Variants in ZNF483 observed in about 807,000 individuals in gnomAD.
ZNF483 encodes the protein zinc finger protein 483.
ZNF483 carries 9 observed loss-of-function variants against 28.6 expected under a neutral mutation model. That is an observed-to-expected ratio of 0.32 (90% confidence interval 0.19 to 0.55). The LOEUF is 0.55. Among genes scored for constraint, ZNF483 ranks in the 20% least tolerant of loss-of-function variants. The probability of loss-of-function intolerance (pLI) is 0.93; values close to 1 mark genes in which losing one functional copy is unlikely to be tolerated. For missense variants in ZNF483, 675 were observed against 871.7 expected (o/e 0.77, Z 2.84); for synonymous variants, 322 against 306.2 (o/e 1.05, Z -0.54).
chr9:111,560,974 TAGAGAGAGAGAG>T (rs1172194603), intron 5 of ZNF483, among the ~76,000 whole-genome samples: 13 of 9,330 alleles, frequency 1.4e-3, no homozygotes, highest in Non-Finnish European at 1.9e-3. Context: ...TATATATATA[TAGAGAGAGAGAG>T]AGAGAGAGAG....
rs1000052345 is a variant in ZNF483 at position 111,525,681 on chromosome 9, T to C, written c.-129+419T>C. Among the ~76,000 whole-genome samples the C allele has an allele frequency of 2.0e-5, 3 of 152,076 alleles. No individual in the cohort carries two copies. In the South Asian group the frequency reaches 6.2e-4, roughly 32 times the overall value. ...ATCTCTCCTTTTTTCTTCCCTCTGG[T>C]TGAGATCCTCTGGCTGCGTCACATT... On this transcript the variant is annotated intron_variant, in intron 1 of 5. Transcript: ENST00000309235.
chr9:111,549,625 T>C lies in ZNF483; in HGVS notation c.*6455T>C. 3 of 1,043,540 alleles carry C rather than the reference T, an allele frequency of 2.9e-6. No homozygotes were observed. Among genetic ancestry groups the C allele is most frequent in the Non-Finnish European group, 4.2e-6 (3 of 712,728 alleles). 64.6% of individuals were successfully genotyped at this position (1,043,540 alleles called of 1,614,324 possible). ...TTGCTAAACCTACCTGTAGCTCTTC[T>C]GGGGCAGCGGTCGTGGTGGTGGTGG... On this transcript the variant is annotated 3_prime_UTR_variant, in exon 6 of 6. Transcript: ENST00000309235.
rs544341612 is a variant in ZNF483, at chr9:111,546,697, T to C, written c.*3527T>C. On this transcript the variant is annotated 3_prime_UTR_variant, in exon 6 of 6. Coordinates refer to ENST00000309235, the MANE Select transcript of ZNF483 (RefSeq NM_133464.5). ...GTAGTAAGATACATATAGCTTAAAA[T>C]GAACCATTTAAACACTTTTTGGTTA... 1.3e-5 allele frequency among the ~76,000 whole-genome samples: 2 copies of C among 152,218 alleles called. No individual in the cohort carries two copies. The highest frequency in any genetic ancestry group is 6.5e-5 in the Admixed American group (1 of 15,276).
At position 111,543,227 on chromosome 9, in the gene ZNF483, C is replaced by T; in HGVS notation, c.*57C>T. 1 of 1,532,808 alleles carries T rather than the reference C, an allele frequency of 6.5e-7. No individual in the cohort carries two copies. Among genetic ancestry groups the T allele is most frequent in the Non-Finnish European group, 8.7e-7 (1 of 1,145,280 alleles). The allele number at this position is 1,532,808 out of a possible 1,614,324, so 95.0% of individuals were successfully genotyped here. A position where few individuals can be genotyped will look rare whatever the true frequency, so the allele number is the denominator to read the frequency against. On this transcript the variant is annotated 3_prime_UTR_variant, in exon 6 of 6. Coordinates refer to ENST00000309235, the MANE Select transcript of ZNF483 (RefSeq NM_133464.5). ...AATTCAAATTGTCAGTTACTGAAAC[C>T]CTGGGATGTAAACTTACAGTATTGA...
At chr9:111,561,179 AAGAG>A (rs138477303) in intron 5 of ZNF483, among the ~76,000 whole-genome samples, 33 of 45,550 alleles carry the variant, frequency 7.2e-4, no homozygotes, top group African/African-American at 2.5e-3. Context: ...GAGAGAGAGA[AAGAG>A]AGAGAGATTC....
Position 111,541,997 on chromosome 9 carries a change from C to T in ZNF483, c.1062C>T (p.Ala354=), listed in dbSNP as rs777595466. The stretch of plus-strand genomic sequence containing the variant: ...TTCTGAACCGCAAGGAGAAAACCGC[C>T]GGAGAAAAGTCACGGAAATCTAATG... ...DLVLNRKEKT[A]GEKSRKSNDG... The change falls in exon 6 of 6, where the codon GCC becomes GCT. Residue 354 remains alanine (A), a synonymous_variant. Coordinates refer to ENST00000309235, the MANE Select transcript of ZNF483 (RefSeq NM_133464.5). The T allele has an allele frequency of 6.6e-5, 107 of 1,613,752 alleles. No individual in the cohort carries two copies. In the East Asian group the frequency reaches 1.6e-3, roughly 24 times the overall value.
Position 111,527,250 on chromosome 9 carries a change from A to T in ZNF483, c.-128-18A>T. ...AGTTTTTTTACTTATTTAATGCCTT[A>T]ATATTTCTTCTTGACAGTTTCTGCA... On this transcript the variant is annotated intron_variant, in intron 1 of 5. Transcript: ENST00000309235. The T allele has an allele frequency of 1.3e-6, 1 of 799,028 alleles. No homozygotes were observed. The highest frequency in any genetic ancestry group is 1.9e-6 in the Non-Finnish European group (1 of 521,430). 49.5% of individuals were successfully genotyped at this position (799,028 alleles called of 1,614,324 possible).
intron 5 of ZNF483, among the ~76,000 whole-genome samples, chr9:111,571,656 T>TTTTGTTTG (rs112914784): frequency 2.2e-4 from 34 of 151,394 alleles, no homozygotes; most frequent in African/African-American, 7.2e-4. Context: ...TTTTTTTAGT[T>TTTTGTTTG]TTTGTTTGTT....
At chr9:111,532,042 A>G (rs1396061216) in intron 3 of ZNF483, among the ~76,000 whole-genome samples, 1 of 152,142 alleles carries the variant, frequency 6.6e-6, no homozygotes, top group African/African-American at 2.4e-5. Context: ...GGTACAGTGG[A>G]TCATGCCTGT....
At chr9:111,561,168 AG>A (rs1478732070) in intron 5 of ZNF483, among the ~76,000 whole-genome samples, 2 of 143,394 alleles carry the variant, frequency 1.4e-5, no homozygotes, top group Admixed American at 1.4e-4. Context: ...AGAGAGAGAG[AG>A]AGAGAGAGAA....
intron 5 of ZNF483, among the ~76,000 whole-genome samples, chr9:111,561,706 A>C (rs539801160): frequency 1.2e-4 from 18 of 152,320 alleles, no homozygotes; most frequent in Admixed American, 5.9e-4. Context: ...TCATCTGTAG[A>C]GGACCAGTAT....
intron 5 of ZNF483, among the ~76,000 whole-genome samples, chr9:111,572,272 T>C (rs1261800882): frequency 6.6e-6 from 1 of 152,124 alleles, no homozygotes; most frequent in Non-Finnish European, 1.5e-5. Context: ...CTTTGTGAGT[T>C]AGGGATTGGA....
intron 1 of ZNF483, among the ~76,000 whole-genome samples, 185 bp downstream of exon 1, chr9:111,525,447 C>T (rs1448591692): frequency 1.3e-5 from 2 of 152,154 alleles, no homozygotes; most frequent in Non-Finnish European, 2.9e-5. Context: ...TCCATCCCTC[C>T]CTGCGCCACT....
At position 111,553,113 on chromosome 9, in the gene ZNF483, A is replaced by G. The variant is rs913978574; in HGVS notation, c.*9943A>G. On this transcript the variant is annotated 3_prime_UTR_variant, in exon 6 of 6. Coordinates refer to ENST00000309235, the MANE Select transcript of ZNF483 (RefSeq NM_133464.5). ...TTTTGTGTATTCTTTTTTGACTTAC[A>G]CTCACTAAATGGTTGCTAAAAATTA... Among the ~76,000 whole-genome samples, 7 of 152,156 alleles carry G rather than the reference A, an allele frequency of 4.6e-5. No homozygotes were observed. The highest frequency in any genetic ancestry group is 3.3e-4 in the Admixed American group (5 of 15,278).
At chr9:111,557,038 G>A (rs1828143618), downstream of ZNF483, among the ~76,000 whole-genome samples, 1 of 152,212 alleles carries the variant, frequency 6.6e-6, no homozygotes, top group African/African-American at 2.4e-5. Flanking sequence ...TTGATGGAAA[G>A]GGCTGCCGCG....
chr9:111,528,445 A>C (rs1320482924), intron 2 of ZNF483, among the ~76,000 whole-genome samples: 2 of 152,346 alleles, frequency 1.3e-5, no homozygotes, highest in East Asian at 3.9e-4. Flanking sequence ...TGTATAAACT[A>C]TAAACTGAAT....
rs60541488 is a variant in ZNF483 at position 111,530,756 on chromosome 9, AATATATATATAT to A, written c.413-85_413-74del. On this transcript the variant is annotated intron_variant, in intron 2 of 5. Transcript: ENST00000309235. ...GTTTTTTTCCTGTTTATCACTTAGA[AATATATATATAT>A]ATATATATATATATATATATATATA... 4.6e-3 allele frequency: 327 copies of A among 70,534 alleles called. 8 individuals are homozygous for A. The highest frequency in any genetic ancestry group is 0.036 in the Admixed American group (206 of 5,694). The allele number at this position is 70,534 out of a possible 1,614,324, so 4.4% of individuals were successfully genotyped here.
At position 111,555,071 on chromosome 9, in the gene ZNF483, G is replaced by A. The variant is rs12338027; in HGVS notation, c.*11901G>A. 0.34 allele frequency among the ~76,000 whole-genome samples: 51,267 copies of A among 152,072 alleles called. 9,434 individuals carry two copies. Among genetic ancestry groups the A allele is most frequent in the Non-Finnish European group, 0.42 (28,696 of 67,968 alleles). On this transcript the variant is annotated 3_prime_UTR_variant, in exon 6 of 6. Coordinates refer to ENST00000309235, the MANE Select transcript of ZNF483 (RefSeq NM_133464.5). ...CTACCATTACTGGCGAGCAGGCAGA[G>A]GCACGCCACATGGTGGGATAGGAGT... is the stretch of plus-strand genomic sequence containing the variant.
At chr9:111,525,753 C>T (rs2132205223) in intron 1 of ZNF483, among the ~76,000 whole-genome samples, 1 of 152,224 alleles carries the variant, frequency 6.6e-6, no homozygotes, top group South Asian at 2.1e-4. Context: ...AGCCGAGTGT[C>T]TTAGTCATCG....
Sources: allele counts gnomAD v4.1 joint callset (sites outside exome capture counted in the v4.1 genomes callset), GRCh38; gene constraint gnomAD v4.1.1; transcripts MANE v1.5; gene names NCBI Gene and HGNC (gene_info 2026-07-23, HGNC 2026-07-21).